CPQ: variants seen among roughly 807,000 people sequenced by gnomAD.
CPQ encodes the protein carboxypeptidase Q.
A neutral mutation model predicts 45.7 loss-of-function variants in CPQ; 37 were observed. The observed-to-expected ratio is 0.81, with a 90% confidence interval of 0.62 to 1.07. CPQ has a LOEUF of 1.07. Ranked by LOEUF, CPQ falls within the 50% of genes least tolerant of loss-of-function variation. CPQ has a pLI of 0.00. For missense variants in CPQ, 537 were observed against 572.9 expected, an observed-to-expected ratio of 0.94 and a Z score of 0.64; for synonymous variants, 186 against 205.8, an observed-to-expected ratio of 0.90 and a Z score of 0.82.
intron 5 of CPQ, among the ~76,000 whole-genome samples, chr8:97,018,854 A>G (rs2130451521): frequency 6.6e-6 from 1 of 152,320 alleles, no homozygotes; most frequent in South Asian, 2.1e-4. Context: ...GTAAAGAACT[A>G]GTCATCCAAA....
chr8:96,986,802 C>G (rs986326568), intron 5 of CPQ, among the ~76,000 whole-genome samples: 4 of 152,170 alleles, frequency 2.6e-5, no homozygotes, highest in South Asian at 2.1e-4. Flanking sequence ...GAATCACACA[C>G]GTCTAGCCCT....
chr8:97,033,390 C>T (rs1427858985), intron 6 of CPQ, among the ~76,000 whole-genome samples: 1 of 151,996 alleles, frequency 6.6e-6, no homozygotes, highest in East Asian at 1.9e-4. Context: ...TTGTATGTGG[C>T]CCACAAAACT....
At chr8:96,834,917 A>G (rs755139590) in intron 2 of CPQ, 56 bp from the exon 3 acceptor site, 64 of 1,524,824 alleles carry the variant, frequency 4.2e-5, no homozygotes, top group Non-Finnish European at 5.4e-5. Context: ...TCCTGTGCCA[A>G]TTCAACCCAG....
intron 5 of CPQ, among the ~76,000 whole-genome samples, chr8:96,994,701 T>C (rs1285266673): frequency 6.6e-6 from 1 of 152,074 alleles, no homozygotes; most frequent in Non-Finnish European, 1.5e-5. Context: ...GGTGATGACA[T>C]GCCCCAGTTT....
intron 4 of CPQ, among the ~76,000 whole-genome samples, chr8:96,887,372 G>A (rs1417404071): frequency 6.6e-6 from 1 of 152,214 alleles, no homozygotes; most frequent in Non-Finnish European, 1.5e-5. Flanking sequence ...GGAGACTCCT[G>A]AGAGCGAGCT....
intron 1 of CPQ, among the ~76,000 whole-genome samples, chr8:96,690,246 A>G (rs1299999633): frequency 1.3e-5 from 2 of 152,002 alleles, no homozygotes; most frequent in East Asian, 3.9e-4. Flanking sequence ...CTCTTATGCA[A>G]GTTATTCCTT....
At chr8:97,123,204 TAA>T (rs1229598077) in intron 7 of CPQ, among the ~76,000 whole-genome samples, 33 of 42,682 alleles carry the variant, frequency 7.7e-4, no homozygotes, top group East Asian at 1.4e-3. Context: ...TAAAATAAAA[TAA>T]AAAATAAAAT....
At chr8:96,789,999 G>C (rs1810825945) in intron 2 of CPQ, among the ~76,000 whole-genome samples, 1 of 151,952 alleles carries the variant, frequency 6.6e-6, no homozygotes, top group African/African-American at 2.4e-5. Flanking sequence ...TTCTTTCCTT[G>C]GTTCTTTCTG....
intron 5 of CPQ, among the ~76,000 whole-genome samples, chr8:96,975,966 A>G (rs1476861215): frequency 6.6e-6 from 1 of 152,102 alleles, no homozygotes; most frequent in Non-Finnish European, 1.5e-5. Context: ...TCTATTCAAC[A>G]TAGAATTGGA....
At chr8:96,896,291 G>C (rs1812441652) in intron 4 of CPQ, among the ~76,000 whole-genome samples, 1 of 152,034 alleles carries the variant, frequency 6.6e-6, no homozygotes, top group Admixed American at 6.6e-5. Context: ...TTTTAAAAAG[G>C]CATGGCTTCA....
intron 3 of CPQ, among the ~76,000 whole-genome samples, chr8:96,874,689 G>C (rs1323521471): frequency 6.6e-6 from 1 of 151,744 alleles, no homozygotes; most frequent in African/African-American, 2.4e-5. Flanking sequence ...GTATTGCTGA[G>C]TAATTTCATC....
Position 96,940,304 on chromosome 8 carries a change from T to G in CPQ, c.850-25631T>G, listed in dbSNP as rs533972570. The stretch of plus-strand genomic sequence containing the variant: ...GGTTCATAAAACTGAAGGTTAACAT[T>G]GCTACCATATGGAGAAGTTAGCTCA... On this transcript the variant is annotated intron_variant, in intron 4 of 7. Coordinates refer to ENST00000220763, the MANE Select transcript of CPQ (RefSeq NM_016134.4). Among the ~76,000 whole-genome samples the G allele has an allele frequency of 7.2e-4, 109 of 152,312 alleles. 1 individual carries two copies. Among genetic ancestry groups the G allele is most frequent in the African/African-American group, 2.5e-3 (106 of 41,586 alleles).
intron 1 of CPQ, among the ~76,000 whole-genome samples, chr8:96,710,099 C>G (rs1367763750): frequency 1.3e-5 from 2 of 152,034 alleles, no homozygotes; most frequent in African/African-American, 4.8e-5. Flanking sequence ...GTTTCTATTT[C>G]TTACTTATTC....
At chr8:96,784,821 G>A (rs1178726670) in intron 1 of CPQ, 43 bp from the exon 2 acceptor site, 19 of 1,410,106 alleles carry the variant, frequency 1.3e-5, no homozygotes, top group Non-Finnish European at 1.5e-5. Flanking sequence ...AGATAGCTGT[G>A]AGATTCTTTT....
chr8:96,897,799 TTTTG>T (rs199622318), intron 4 of CPQ, among the ~76,000 whole-genome samples: 2 of 151,980 alleles, frequency 1.3e-5, no homozygotes, highest in Admixed American at 1.3e-4. Flanking sequence ...GGAGGTGAAT[TTTTG>T]TTTGTTTGTT....
intron 1 of CPQ, among the ~76,000 whole-genome samples, chr8:96,682,261 T>C (rs1420615182): frequency 6.6e-6 from 1 of 152,172 alleles, no homozygotes; most frequent in Non-Finnish European, 1.5e-5. Context: ...GGTAATTGAA[T>C]CACGAGAGTG....
intron 7 of CPQ, among the ~76,000 whole-genome samples, chr8:97,093,991 G>A (rs995174021): frequency 6.6e-6 from 1 of 152,116 alleles, no homozygotes; most frequent in Non-Finnish European, 1.5e-5. Flanking sequence ...TAAAGGTAGG[G>A]AATGCCCTTT....
chr8:96,988,301 T>G (rs1409511188), intron 5 of CPQ, among the ~76,000 whole-genome samples: 1 of 152,232 alleles, frequency 6.6e-6, no homozygotes, highest in African/African-American at 2.4e-5. Flanking sequence ...GTATGCCTAC[T>G]AATTTACAGA....
At chr8:96,782,303 C>A (rs1810697485) in intron 1 of CPQ, among the ~76,000 whole-genome samples, 1 of 152,166 alleles carries the variant, frequency 6.6e-6, no homozygotes, top group Middle Eastern at 3.2e-3. Context: ...GTGGATACCA[C>A]CAGGACTTAC....
Sources: allele counts gnomAD v4.1 joint callset (sites outside exome capture counted in the v4.1 genomes callset), GRCh38; gene constraint gnomAD v4.1.1; transcripts MANE v1.5; gene names NCBI Gene and HGNC (gene_info 2026-07-23, HGNC 2026-07-21).